The following PRTFDC1 variants were observed in gnomAD, a reference collection of about 807,000 sequenced individuals.
PRTFDC1 encodes the protein phosphoribosyltransferase domain-containing protein 1.
Under a neutral mutation model 34.6 loss-of-function variants are expected in PRTFDC1, and 38 were observed. The observed-to-expected ratio is 1.10, with a 90% confidence interval of 0.85 to 1.44. The LOEUF (loss-of-function observed/expected upper bound fraction) is 1.44. PRTFDC1 is among the 40% of genes most tolerant of loss of function. The pLI is 0.00. For missense variants in PRTFDC1, 270 were observed against 283.0 expected, an observed-to-expected ratio of 0.95 and a Z score of 0.33; for synonymous variants, 93 against 98.1, an observed-to-expected ratio of 0.95 and a Z score of 0.31.
At chr10:24,895,855 C>G (rs1848352938) in intron 3 of PRTFDC1, among the ~76,000 whole-genome samples, 1 of 151,702 alleles carries the variant, frequency 6.6e-6, no homozygotes, top group Admixed American at 6.6e-5. Context: ...AATATGAGTA[C>G]AGACCTTCCA....
intron 3 of PRTFDC1, among the ~76,000 whole-genome samples, chr10:24,906,674 G>A (rs116978616): frequency 0.011 from 1,708 of 152,280 alleles, 33 homozygotes; most frequent in East Asian, 0.085. Context: ...TAACTGGAAC[G>A]TTTTTACTTA....
chr10:24,884,255 A>T (rs934671494), intron 3 of PRTFDC1, among the ~76,000 whole-genome samples: 2 of 152,160 alleles, frequency 1.3e-5, no homozygotes, highest in African/African-American at 4.8e-5. Flanking sequence ...CTCTCATGAA[A>T]CTGTTTTAAG....
At chr10:24,901,665 G>C (rs1016734607) in intron 3 of PRTFDC1, among the ~76,000 whole-genome samples, 4 of 152,266 alleles carry the variant, frequency 2.6e-5, no homozygotes, top group Non-Finnish European at 4.4e-5. Flanking sequence ...GTAGGAGGAG[G>C]CTGCAGTGAG....
intron 3 of PRTFDC1, among the ~76,000 whole-genome samples, chr10:24,934,244 GAAGGAGA>G (rs1564317692): frequency 1.3e-3 from 187 of 141,352 alleles, no homozygotes; most frequent in African/African-American, 3.5e-3. Flanking sequence ...AGAAGAAGAA[GAAGGAGA>G]AGAAGAAGAA....
rs780901507 is a variant in PRTFDC1, at chr10:24,908,611, G to T, written c.339+28573C>A. ...TTGGAGATTCTTGCAGGGGAGCACA[G>T]CTACTCATATACCCTTGACTGAAGG... is the stretch of plus-strand genomic sequence containing the variant. On this transcript the variant is annotated intron_variant, in intron 3 of 8. Transcript: ENST00000320152. 4.3e-6 allele frequency: 7 copies of T among 1,612,698 alleles called. No homozygotes were observed. The Middle Eastern group carries it at 5.0e-4, about 115-fold the overall frequency.
intron 3 of PRTFDC1, among the ~76,000 whole-genome samples, chr10:24,922,441 G>T (rs1848805448): frequency 6.6e-6 from 1 of 152,222 alleles, no homozygotes; most frequent in South Asian, 2.1e-4. Context: ...TCATGGGAGG[G>T]ACCCTGTGGG....
chr10:24,934,254 A>AAGAAGG (rs1554765942), intron 3 of PRTFDC1, among the ~76,000 whole-genome samples: 3 of 46,664 alleles, frequency 6.4e-5, no homozygotes, highest in African/African-American at 4.4e-4. Context: ...GAAGGAGAAG[A>AAGAAGG]AGAAGAAGAA....
chr10:24,854,556 G>A (rs1847541492), intron 7 of PRTFDC1, among the ~76,000 whole-genome samples: 1 of 152,100 alleles, frequency 6.6e-6, no homozygotes, highest in Non-Finnish European at 1.5e-5. Flanking sequence ...TCAAGCTGAA[G>A]TCTGCCTATG....
Position 24,848,923 on chromosome 10 carries a change from T to C in PRTFDC1, c.*921A>G, listed in dbSNP as rs1175369109. ...TTTTGTGATCAGTCTTTTAAAGATA[T>C]TTTTTAAAAAATTCAACCTCTGTCT... On this transcript the variant is annotated 3_prime_UTR_variant, in exon 9 of 9. Coordinates refer to ENST00000320152, the MANE Select transcript of PRTFDC1 (RefSeq NM_020200.7). 1 of 152,192 alleles carries C rather than the reference T, an allele frequency of 6.6e-6. No homozygotes were observed. Among genetic ancestry groups the C allele is most frequent in the African/African-American group, 2.4e-5 (1 of 41,460 alleles). The allele number at this position is 152,192 out of a possible 1,614,324, so 9.4% of individuals were successfully genotyped here. A position where few individuals can be genotyped will look rare whatever the true frequency, so the allele number is the denominator to read the frequency against.
intron 3 of PRTFDC1, among the ~76,000 whole-genome samples, chr10:24,906,267 C>T (rs985245269): frequency 4.6e-5 from 7 of 152,170 alleles, no homozygotes; most frequent in Non-Finnish European, 8.8e-5. Context: ...ACGTTCCTAA[C>T]TCAGCTGAAA....
At chr10:24,870,849 A>T (rs1186363798) in intron 4 of PRTFDC1, among the ~76,000 whole-genome samples, 2 of 152,070 alleles carry the variant, frequency 1.3e-5, no homozygotes, top group Non-Finnish European at 2.9e-5. Context: ...AAACAGGTGG[A>T]TCACTTGAGG....
chr10:24,912,666 T>C (rs1471096155), intron 3 of PRTFDC1, among the ~76,000 whole-genome samples: 1 of 152,104 alleles, frequency 6.6e-6, no homozygotes, highest in Non-Finnish European at 1.5e-5. Context: ...GTTTTGCAAA[T>C]ATTTTCTCCC....
At chr10:24,924,753 A>G (rs940207053) in intron 3 of PRTFDC1, among the ~76,000 whole-genome samples, 4 of 152,264 alleles carry the variant, frequency 2.6e-5, no homozygotes, top group Non-Finnish European at 4.4e-5. Flanking sequence ...AGAAATGCAA[A>G]TCAAAACCAC....
intron 4 of PRTFDC1, among the ~76,000 whole-genome samples, chr10:24,863,643 T>C (rs1010214448): frequency 2.0e-5 from 3 of 152,102 alleles, no homozygotes; most frequent in Non-Finnish European, 4.4e-5. Context: ...GTAAAGTAAA[T>C]TGAAAACCTG....
intron 3 of PRTFDC1, among the ~76,000 whole-genome samples, chr10:24,906,948 G>A (rs914759246): frequency 6.6e-6 from 1 of 152,168 alleles, no homozygotes; most frequent in African/African-American, 2.4e-5. Context: ...TTGGAATATA[G>A]GCATATCATT....
chr10:24,900,603 G>A (rs966687087), intron 3 of PRTFDC1, among the ~76,000 whole-genome samples: 4 of 152,112 alleles, frequency 2.6e-5, no homozygotes, highest in Non-Finnish European at 5.9e-5. Context: ...TGATCTTTTT[G>A]ATATACAGCT....
intron 3 of PRTFDC1, among the ~76,000 whole-genome samples, chr10:24,932,310 C>T (rs1388175900): frequency 6.6e-6 from 1 of 151,710 alleles, no homozygotes; most frequent in Non-Finnish European, 1.5e-5. Flanking sequence ...CTGGCATGAT[C>T]ATGCAATAAA....
At chr10:24,863,393 C>T (rs1847716769) in intron 4 of PRTFDC1, among the ~76,000 whole-genome samples, 1 of 152,148 alleles carries the variant, frequency 6.6e-6, no homozygotes, top group South Asian at 2.1e-4. Flanking sequence ...TATGGCCATT[C>T]TTGAGACCTA....
At chr10:24,878,220 C>T (rs1269869922) in intron 3 of PRTFDC1, among the ~76,000 whole-genome samples, 2 of 151,870 alleles carry the variant, frequency 1.3e-5, no homozygotes, top group South Asian at 2.1e-4. Context: ...TTGTGGTGAG[C>T]CAAGATTGCA....
Sources: allele counts gnomAD v4.1 joint callset (sites outside exome capture counted in the v4.1 genomes callset), GRCh38; gene constraint gnomAD v4.1.1; transcripts MANE v1.5; gene names NCBI Gene and HGNC (gene_info 2026-07-23, HGNC 2026-07-21).